DOT1L: variants seen among roughly 807,000 people sequenced by gnomAD.
DOT1L encodes histone-lysine N-methyltransferase, H3 lysine-79 specific.
In DOT1L, 33 loss-of-function variants were observed where a neutral mutation model predicts 153.3. That is an observed-to-expected ratio of 0.22 (90% confidence interval 0.16 to 0.29). DOT1L has a LOEUF of 0.29. DOT1L is among the 10% of genes least tolerant of loss of function. The pLI is 1.00. For missense variants in DOT1L, 1,847 were observed against 2,119.9 expected (o/e 0.87, Z 2.53); for synonymous variants, 1,135 against 965.1 (o/e 1.18, Z -3.26).
At chr19:2,185,739 AGCCT>A (rs1244030879) in intron 2 of DOT1L, 112 bp from the exon 3 acceptor site, 2 of 1,120,636 alleles carry the variant, frequency 1.8e-6, no homozygotes, top group African/African-American at 3.1e-5. Flanking sequence ...ACTGCACTCC[AGCCT>A]GGGCAACAGA....
chr19:2,211,425 G>GCA (rs1459617107), intron 15 of DOT1L, among the ~76,000 whole-genome samples: 4 of 152,234 alleles, frequency 2.6e-5, no homozygotes, highest in Non-Finnish European at 5.9e-5. Flanking sequence ...AGGAGATGCT[G>GCA]GGTGACACTT....
chr19:2,229,220 A>ACT (rs1246815941), intron 27 of DOT1L: 3 of 985,264 alleles, frequency 3.0e-6, no homozygotes, highest in African/African-American at 3.5e-5. Context: ...GGCTGTGGAG[A>ACT]CTGTGGCCGC....
chr19:2,168,059 A>G (rs569731334), intron 1 of DOT1L, among the ~76,000 whole-genome samples: 7 of 152,166 alleles, frequency 4.6e-5, no homozygotes, highest in Admixed American at 1.3e-4. Context: ...ACATTTATTC[A>G]TGATTCATTC....
rs900588910 is a variant in DOT1L, at chr19:2,229,892, G to A, written c.*100G>A. ...GCCTGCCGGGCTCCCACCCCTGGAC[G>A]GCAGAGGCAAGGACGGACGGGAGCT... On this transcript the variant is annotated 3_prime_UTR_variant, in exon 28 of 28. Coordinates refer to ENST00000398665, the MANE Select transcript of DOT1L (RefSeq NM_032482.3). 34 of 1,606,046 alleles carry A rather than the reference G, an allele frequency of 2.1e-5. No individual in the cohort carries two copies. Among genetic ancestry groups the A allele is most frequent in the East Asian group, 8.9e-5 (4 of 44,846 alleles).
intron 6 of DOT1L, among the ~76,000 whole-genome samples, 200 bp from the exon 7 acceptor site, chr19:2,194,315 C>T (rs1271246260): frequency 1.3e-5 from 2 of 152,128 alleles, no homozygotes; most frequent in East Asian, 1.9e-4. Context: ...GGACTACAGG[C>T]GCCCCCCAAC....
Position 2,225,887 on chromosome 19 carries a change from A to G in DOT1L, c.3662-296A>G, listed in dbSNP as rs115093367. On this transcript the variant is annotated intron_variant, in intron 26 of 27. Transcript: ENST00000398665. ...GCATTTTCCCCAGAGCTCATCCCGC[A>G]TGGCCTCTGAGACCCGCTTCAGCTG... 7.3e-3 allele frequency among the ~76,000 whole-genome samples: 1,109 copies of G among 152,160 alleles called. 20 individuals are homozygous for G. Among genetic ancestry groups the G allele is most frequent in the African/African-American group, 0.025 (1,050 of 41,508 alleles).
At position 2,223,275 on chromosome 19, in the gene DOT1L, C is replaced by T. The variant is rs375802277; in HGVS notation, c.3391-6C>T. 102 of 1,613,122 alleles carry T rather than the reference C, an allele frequency of 6.3e-5. No individual in the cohort carries two copies. The highest frequency in any genetic ancestry group is 1.6e-4 in the Middle Eastern group (1 of 6,082). Reference sequence around the variant, plus strand: ...ATGTGCATCCATTGTGTCTGTCTGCCCTCAGGTCAGTAACATCAACCAGCC... The same window carrying T: ...ATGTGCATCCATTGTGTCTGTCTGCTCTCAGGTCAGTAACATCAACCAGCC... On this transcript the variant is annotated splice_polypyrimidine_tract_variant and splice_region_variant and intron_variant, in intron 24 of 27. Coordinates refer to ENST00000398665, the MANE Select transcript of DOT1L (RefSeq NM_032482.3).
At chr19:2,172,078 C>T (rs1028227725) in intron 1 of DOT1L, among the ~76,000 whole-genome samples, 1 of 152,184 alleles carries the variant, frequency 6.6e-6, no homozygotes, top group Admixed American at 6.5e-5. Flanking sequence ...GGAAAGAAGG[C>T]CCTGGGAGGG....
At position 2,213,568 on chromosome 19, in the gene DOT1L, T is replaced by A. The variant is rs754248019; in HGVS notation, c.1587T>A (p.Ala529=). Residue 529 remains alanine, a synonymous_variant, in exon 17 of 28, where the codon GCT becomes GCA. Coordinates refer to ENST00000398665, the MANE Select transcript of DOT1L (RefSeq NM_032482.3). ...AGAACGCCCAGCTCCTGGGTGCGGC[T>A]CAGCAGCTCCTCAGCCACTGCCAGG... ...KEKNAQLLGA[A]QQLLSHCQAQ... 6.2e-7 allele frequency: 1 copy of A among 1,613,324 alleles called. No individual in the cohort carries two copies. Among genetic ancestry groups the A allele is most frequent in the Non-Finnish European group, 8.5e-7 (1 of 1,179,960 alleles).
intron 22 of DOT1L, among the ~76,000 whole-genome samples, chr19:2,218,200 C>T (rs1035903971): frequency 2.6e-5 from 4 of 152,202 alleles, no homozygotes; most frequent in Admixed American, 6.5e-5. Flanking sequence ...CTCCCAGCCT[C>T]ACTCCTCACG....
intron 26 of DOT1L, 122 bp from the exon 27 acceptor site, chr19:2,226,061 G>C: frequency 9.1e-7 from 1 of 1,102,312 alleles, no homozygotes; most frequent in Non-Finnish European, 1.2e-6. Context: ...TTGGCATCTT[G>C]AGTGTCTGTG....
At chr19:2,192,880 G>A (rs1237020807) in intron 5 of DOT1L, among the ~76,000 whole-genome samples, 1 of 152,180 alleles carries the variant, frequency 6.6e-6, no homozygotes, top group Non-Finnish European at 1.5e-5. Flanking sequence ...AGGCTTATAT[G>A]TTTTAGATGA....
rs927688926 is a variant in DOT1L at position 2,232,307 on chromosome 19, CGTCA to C, written c.*2519_*2522del. On this transcript the variant is annotated 3_prime_UTR_variant, in exon 28 of 28. Coordinates refer to ENST00000398665, the MANE Select transcript of DOT1L (RefSeq NM_032482.3). ...CCTTAATTTATCTGCCCCCAGGATG[CGTCA>C]GTCTGTTCAGTGGTCAGCAGGCCCC... 5 of 215,480 alleles carry C rather than the reference CGTCA, an allele frequency of 2.3e-5. No homozygotes were observed. The highest frequency in any genetic ancestry group is 4.5e-5 in the African/African-American group (2 of 44,150). The allele number at this position is 215,480 out of a possible 1,614,324, so 13.3% of individuals were successfully genotyped here.
chr19:2,184,721 G>A (rs1174164655), intron 2 of DOT1L, among the ~76,000 whole-genome samples: 2 of 152,168 alleles, frequency 1.3e-5, no homozygotes, highest in Admixed American at 6.5e-5. Flanking sequence ...ACCGAATGCC[G>A]TCCTGTGGGC....
Position 2,211,089 on chromosome 19 carries a change from G to T in DOT1L, c.1352-10G>T, listed in dbSNP as rs765963947. 6.2e-7 allele frequency: 1 copy of T among 1,610,204 alleles called. No homozygotes were observed. Reference sequence around the variant, plus strand: ...CGCCCTGTGCTGACGCCTGCCCTCCGCTCTCCCAGATGCCTACAGATCCCC... The same window carrying T: ...CGCCCTGTGCTGACGCCTGCCCTCCTCTCTCCCAGATGCCTACAGATCCCC... On this transcript the variant is annotated splice_polypyrimidine_tract_variant and intron_variant, in intron 14 of 27. Coordinates refer to ENST00000398665, the MANE Select transcript of DOT1L (RefSeq NM_032482.3).
intron 8 of DOT1L, 30 bp downstream of exon 8, chr19:2,199,969 G>A (rs1252389380): frequency 3.1e-6 from 5 of 1,611,704 alleles, no homozygotes; most frequent in South Asian, 1.1e-5. Context: ...TGCAGGGCAT[G>A]TGGGGTGTGC....
chr19:2,195,073 C>T (rs1303169486), intron 7 of DOT1L, among the ~76,000 whole-genome samples: 4 of 151,978 alleles, frequency 2.6e-5, no homozygotes, highest in Non-Finnish European at 4.4e-5. Context: ...CTGGGGATGG[C>T]GTCGCGTGTG....
rs1229647943 is a variant in DOT1L, at chr19:2,197,234, T to A, written c.652-2650T>A. On this transcript the variant is annotated intron_variant, in intron 7 of 27. Coordinates refer to ENST00000398665, the MANE Select transcript of DOT1L (RefSeq NM_032482.3). The surrounding 1 kb of genome is among the most constrained non-coding windows in gnomAD (Gnocchi z 4.1). ...GTGGGCCCGGCTCTCCTTCCCTTTC[T>A]CATGGTGATTGTTCCCAAATGCTGT... Among the ~76,000 whole-genome samples, 3 of 152,192 alleles carry A rather than the reference T, an allele frequency of 2.0e-5. No individual in the cohort carries two copies. The highest frequency in any genetic ancestry group is 6.5e-5 in the Admixed American group (1 of 15,280).
intron 27 of DOT1L, chr19:2,228,038 C>G (rs1255455219): frequency 3.1e-6 from 4 of 1,304,082 alleles, no homozygotes; most frequent in South Asian, 1.2e-5. Context: ...CGCTGCTGGC[C>G]TCTAACCCTG....
Sources: allele counts gnomAD v4.1 joint callset (sites outside exome capture counted in the v4.1 genomes callset), GRCh38; gene constraint gnomAD v4.1.1; non-coding constraint Gnocchi (gnomAD v3.1); transcripts MANE v1.5; gene names NCBI Gene and HGNC (gene_info 2026-07-23, HGNC 2026-07-21).